The following TTLL12 variants were observed in gnomAD, a reference collection of about 807,000 sequenced individuals.
The protein encoded by TTLL12 is tubulin--tyrosine ligase-like protein 12.
A neutral mutation model predicts 79.6 loss-of-function variants in TTLL12; 77 were observed. The observed-to-expected ratio is 0.97, with a 90% confidence interval of 0.81 to 1.17. The LOEUF is 1.17. TTLL12 is among the 50% of genes most tolerant of loss of function. The pLI is 0.00. For missense variants in TTLL12, 969 were observed against 895.9 expected (o/e 1.08, Z -1.04); for synonymous variants, 437 against 376.1 (o/e 1.16, Z -1.87).
At position 43,167,965 on chromosome 22, in the gene TTLL12, T is replaced by A; in HGVS notation, c.*43A>T. 1 of 1,593,086 alleles carries A rather than the reference T, an allele frequency of 6.3e-7. No individual in the cohort carries two copies. The highest frequency in any genetic ancestry group is 8.6e-7 in the Non-Finnish European group (1 of 1,166,632). ...GCAGAAGCAGCTCAGAGAACTGAGG[T>A]TGGAATCCTGCCCCAAGCACAGGTT... On this transcript the variant is annotated 3_prime_UTR_variant, in exon 14 of 14. Coordinates refer to ENST00000216129, the MANE Select transcript of TTLL12 (RefSeq NM_015140.4).
At chr22:43,177,441 C>T (rs1601772498) in intron 5 of TTLL12, among the ~76,000 whole-genome samples, 3 of 152,206 alleles carry the variant, frequency 2.0e-5, no homozygotes, top group East Asian at 3.9e-4. Flanking sequence ...AAAGGCAGAG[C>T]CGCATCCATC....
chr22:43,178,918 CTGGTT>C (rs2147073492), intron 5 of TTLL12, among the ~76,000 whole-genome samples: 2 of 152,330 alleles, frequency 1.3e-5, no homozygotes, highest in East Asian at 3.9e-4. Context: ...CCCTTGTAGG[CTGGTT>C]CCAGCCTACG....
chr22:43,180,253 GCC>G (rs1303986681), intron 3 of TTLL12, among the ~76,000 whole-genome samples: 1 of 152,174 alleles, frequency 6.6e-6, no homozygotes, highest in Admixed American at 6.5e-5. Context: ...AAGGCACTCA[GCC>G]CAGCACCCGT....
At chr22:43,183,306 T>A (rs1479508093) in intron 1 of TTLL12, among the ~76,000 whole-genome samples, 157 bp from the exon 2 acceptor site, 1 of 152,036 alleles carries the variant, frequency 6.6e-6, no homozygotes, top group African/African-American at 2.4e-5. Flanking sequence ...AACCACACAG[T>A]CTTACGGGCG....
At chr22:43,183,177 G>A in intron 1 of TTLL12, 28 bp from the exon 2 acceptor site, 1 of 1,611,706 alleles carries the variant, frequency 6.2e-7, no homozygotes, top group Non-Finnish European at 8.5e-7. Context: ...CGTCAGCAGG[G>A]GTGTGGGCAG....
chr22:43,169,034 C>T (rs1180709208), intron 12 of TTLL12, 122 bp from the exon 13 acceptor site: 12 of 1,312,302 alleles, frequency 9.1e-6, no homozygotes, highest in African/African-American at 3.0e-5. Context: ...CACATCTTCA[C>T]GTCTCTAGAC....
chr22:43,186,002 T>A, intron 1 of TTLL12: 1 of 985,416 alleles, frequency 1.0e-6, no homozygotes, highest in Non-Finnish European at 1.2e-6. Flanking sequence ...CAATCAGGAT[T>A]ACACAGAGAA....
rs757734590 is a variant in TTLL12, at chr22:43,174,664, CGGGACTCCAGCACTAGCCCTGGCTCA to C, written c.918-75_918-50del. The C allele has an allele frequency of 5.0e-6, 7 of 1,391,970 alleles. No individual in the cohort carries two copies. The East Asian group carries it at 1.4e-4, about 28-fold the overall frequency. The allele number at this position is 1,391,970 out of a possible 1,614,324, so 86.2% of individuals were successfully genotyped here. On this transcript the variant is annotated intron_variant, in intron 6 of 13. Transcript: ENST00000216129. ...TGATCCCGGCTCCCAAGTGTCCAAG[CGGGACTCCAGCACTAGCCCTGGCTCA>C]GGGACTCCCTTCCCTGTTTTGAAGC...
At chr22:43,179,091 G>A (rs370872028) in intron 5 of TTLL12, among the ~76,000 whole-genome samples, 8 of 152,208 alleles carry the variant, frequency 5.3e-5, no homozygotes, top group African/African-American at 1.2e-4. Context: ...TCCCTAACCC[G>A]CCAGCCTCCT....
In TTLL12 at chr22:43,169,658, T is replaced by G. The variant is rs768051137; in HGVS notation, c.1576-90A>C. On this transcript the variant is annotated intron_variant, in intron 11 of 13. Coordinates refer to ENST00000216129, the MANE Select transcript of TTLL12 (RefSeq NM_015140.4). ...TGCTACTGCCTGGACCAGGAGCTTC[T>G]GACACTGGGTGGGGGTTCCAGGAGC... is the stretch of plus-strand genomic sequence containing the variant. 4.3e-6 allele frequency: 6 copies of G among 1,390,254 alleles called. No homozygotes were observed. The African/African-American group carries it at 7.1e-5, about 17-fold the overall frequency. The allele number at this position is 1,390,254 out of a possible 1,614,324, so 86.1% of individuals were successfully genotyped here.
intron 2 of TTLL12, among the ~76,000 whole-genome samples, chr22:43,181,553 T>C (rs1461001856): frequency 1.3e-5 from 2 of 152,194 alleles, no homozygotes; most frequent in Non-Finnish European, 2.9e-5. Flanking sequence ...GCTGAGCTGC[T>C]ACAGAAGCAT....
At position 43,174,015 on chromosome 22, in the gene TTLL12, G is replaced by A. The variant is rs375767369; in HGVS notation, c.1230-189C>T. ...GCCAGAGGCCAGGCAGCTGCGCTGC[G>A]GTGGAGAGGACAGCCCCAGCAAAAA... is the stretch of plus-strand genomic sequence containing the variant. On this transcript the variant is annotated intron_variant, in intron 8 of 13. Coordinates refer to ENST00000216129, the MANE Select transcript of TTLL12 (RefSeq NM_015140.4). Among the ~76,000 whole-genome samples the A allele has an allele frequency of 3.9e-5, 6 of 152,350 alleles. No individual in the cohort carries two copies. In the South Asian group the frequency reaches 6.2e-4, roughly 16 times the overall value.
intron 4 of TTLL12, 27 bp from the exon 5 acceptor site, chr22:43,179,779 G>C (rs916991147): frequency 6.4e-7 from 1 of 1,550,484 alleles, no homozygotes; most frequent in African/African-American, 1.4e-5. Flanking sequence ...GTGCCCATCA[G>C]AGGGGGTGAC....
chr22:43,174,119 C>A, intron 8 of TTLL12, 90 bp downstream of exon 8: 1 of 1,489,126 alleles, frequency 6.7e-7, no homozygotes, highest in Non-Finnish European at 9.1e-7. Flanking sequence ...ACGGTTTCCA[C>A]AGTGGGTGCT....
chr22:43,178,990 C>G (rs757205228), intron 5 of TTLL12, among the ~76,000 whole-genome samples: 24 of 152,136 alleles, frequency 1.6e-4, no homozygotes, highest in Non-Finnish European at 3.2e-4. Flanking sequence ...AGGGTAGGAA[C>G]CTCCTACCCA....
Position 43,179,891 on chromosome 22 carries a change from T to G in TTLL12, c.656A>C (p.Gln219Pro). ...CCACAGCAGCGTGTAGGCCACCTGCTGCGGCATGTAGAAGAAGGGTGCCGT... is the reference window on the plus strand; with the variant it reads ...CCACAGCAGCGTGTAGGCCACCTGCGGCGGCATGTAGAAGAAGGGTGCCGT... The part of the protein sequence containing the change: ...FATAPFFYMP[Q>P]QVAYTLLWPL... Residue 219 changes from glutamine to proline, a missense_variant, in exon 4 of 14, where the codon CAG becomes CCG. Gln to Pro is a moderately conservative substitution (Grantham distance 76). Coordinates refer to ENST00000216129, the MANE Select transcript of TTLL12 (RefSeq NM_015140.4). 6.2e-7 allele frequency: 1 copy of G among 1,610,794 alleles called. No individual in the cohort carries two copies. The highest frequency in any genetic ancestry group is 8.5e-7 in the Non-Finnish European group (1 of 1,179,786).
chr22:43,179,856 C>A lies in TTLL12; in HGVS notation c.691G>T (p.Asp231Tyr). The A allele has an allele frequency of 6.3e-7, 1 of 1,594,878 alleles. No homozygotes were observed. Among genetic ancestry groups the A allele is most frequent in the Non-Finnish European group, 8.5e-7 (1 of 1,170,244 alleles). The change falls in exon 4 of 14, where the codon GAC (aspartate) becomes TAC (tyrosine). Residue 231 changes from aspartate (D) to tyrosine (Y), a missense_variant. Physicochemically the swap from Asp to Tyr is radical, Grantham distance 160. Transcript: ENST00000216129. ...VAYTLLWPLR[D>Y]LDTGEEVTRD... ...CTGGACTTACCGCCAGTGTCCAGGT[C>A]CCTCAGGGGCCACAGCAGCGTGTAG...
At chr22:43,178,255 C>G (rs1931963650) in intron 5 of TTLL12, among the ~76,000 whole-genome samples, 1 of 151,090 alleles carries the variant, frequency 6.6e-6, no homozygotes, top group South Asian at 2.1e-4. Flanking sequence ...GGCCCCCCCA[C>G]CCACAGCCCA....
chr22:43,173,928 G>T, intron 8 of TTLL12, 102 bp from the exon 9 acceptor site: 1 of 1,086,286 alleles, frequency 9.2e-7, no homozygotes. Flanking sequence ...ACTTCTCCTT[G>T]GGAGCTGAGG....
Sources: allele counts gnomAD v4.1 joint callset (sites outside exome capture counted in the v4.1 genomes callset), GRCh38; gene constraint gnomAD v4.1.1; transcripts MANE v1.5; gene names NCBI Gene and HGNC (gene_info 2026-07-23, HGNC 2026-07-21).